The following MLLT3 variants were observed in gnomAD, a reference collection of about 807,000 sequenced individuals.
MLLT3 encodes the protein MLLT3 super elongation complex subunit.
A neutral mutation model predicts 53.2 loss-of-function variants in MLLT3; 4 were observed. The observed-to-expected ratio is 0.08, with a 90% CI of 0.04 to 0.17. The LOEUF (loss-of-function observed/expected upper bound fraction) is 0.17. MLLT3 is among the 10% of genes least tolerant of loss of function. The pLI, the probability that MLLT3 is intolerant of heterozygous loss-of-function variation, is 1.00. For synonymous variants in MLLT3, 283 were observed against 230.6 expected (o/e 1.23, Z -2.06); for missense variants, 569 against 684.0 (o/e 0.83, Z 1.87).
intron 2 of MLLT3, among the ~76,000 whole-genome samples, chr9:20,589,429 T>G (rs1820066222): frequency 2.0e-5 from 2 of 102,278 alleles, no homozygotes; most frequent in South Asian, 7.0e-4. Context: ...CTCTGGGGAC[T>G]GTTGTGGGGT....
At chr9:20,480,277 T>G (rs1019607991) in intron 2 of MLLT3, among the ~76,000 whole-genome samples, 3 of 152,092 alleles carry the variant, frequency 2.0e-5, no homozygotes, top group Non-Finnish European at 4.4e-5. Context: ...TTCCTGAGCC[T>G]TTCTATTTCA....
At chr9:20,564,743 A>G (rs1819304757) in intron 2 of MLLT3, among the ~76,000 whole-genome samples, 1 of 152,184 alleles carries the variant, frequency 6.6e-6, no homozygotes, top group East Asian at 1.9e-4. Flanking sequence ...ATATTTATCC[A>G]CTGGAAGTGG....
At chr9:20,410,620 A>G (rs1056185246) in intron 5 of MLLT3, 4 of 152,070 alleles carry the variant, frequency 2.6e-5, no homozygotes, top group Admixed American at 6.5e-5. Context: ...CATACAAACC[A>G]TGGATGTCCA....
intron 2 of MLLT3, among the ~76,000 whole-genome samples, chr9:20,465,180 C>A (rs1824204782): frequency 6.6e-6 from 1 of 151,928 alleles, no homozygotes; most frequent in African/African-American, 2.4e-5. Context: ...GCTATCTACA[C>A]AAGGGAGGGA....
intron 2 of MLLT3, among the ~76,000 whole-genome samples, chr9:20,609,384 A>G (rs1820645167): frequency 6.6e-6 from 1 of 152,084 alleles, no homozygotes. Flanking sequence ...AATTTCATAT[A>G]CTTTCTTCTA....
At chr9:20,435,622 C>T (rs1460370414) in intron 4 of MLLT3, among the ~76,000 whole-genome samples, 14 of 152,130 alleles carry the variant, frequency 9.2e-5, no homozygotes, top group Non-Finnish European at 2.9e-5. Flanking sequence ...TTTATTTATA[C>T]ACTCCGAGCT....
chr9:20,572,741 C>G (rs963132837), intron 2 of MLLT3, among the ~76,000 whole-genome samples: 2 of 152,090 alleles, frequency 1.3e-5, no homozygotes, highest in African/African-American at 4.8e-5. Context: ...TTGCAGTGAG[C>G]CGAGATTGCA....
intron 2 of MLLT3, among the ~76,000 whole-genome samples, chr9:20,584,300 T>C (rs1419381832): frequency 6.6e-6 from 1 of 152,156 alleles, no homozygotes; most frequent in Non-Finnish European, 1.5e-5. Flanking sequence ...ATTCAACAAG[T>C]CTCTAGGAAG....
intron 2 of MLLT3, among the ~76,000 whole-genome samples, chr9:20,569,629 C>T (rs1461729405): frequency 1.3e-5 from 2 of 152,230 alleles, no homozygotes; most frequent in East Asian, 3.9e-4. Context: ...AATAAAACTT[C>T]AGCAAACAAG....
intron 2 of MLLT3, among the ~76,000 whole-genome samples, chr9:20,565,922 TTATATATATATATA>T (rs775070739): frequency 2.0e-5 from 2 of 97,658 alleles, no homozygotes; most frequent in African/African-American, 4.4e-5. Context: ...ATATATATAT[TTATATATATATATA>T]TTTATATATA....
At chr9:20,523,211 C>G (rs1460860782) in intron 2 of MLLT3, among the ~76,000 whole-genome samples, 1 of 152,088 alleles carries the variant, frequency 6.6e-6, no homozygotes, top group Admixed American at 6.5e-5. Flanking sequence ...TCCAGAATGC[C>G]GATAACACTT....
In MLLT3 at chr9:20,344,567, T is replaced by C. The variant is rs1587133186; in HGVS notation, c.*1876A>G. ...CAACAAATGCTTCAAGTACGGTTCA[T>C]GCCAATCGTCATTAAGAATCATAAC... On this transcript the variant is annotated 3_prime_UTR_variant, in exon 11 of 11. Transcript: ENST00000380338. 1 of 213,824 alleles carries C rather than the reference T, an allele frequency of 4.7e-6. No individual in the cohort carries two copies. The highest frequency in any genetic ancestry group is 7.0e-5 in the East Asian group (1 of 14,358). 13.2% of individuals were successfully genotyped at this position (213,824 alleles called of 1,614,324 possible).
intron 5 of MLLT3, among the ~76,000 whole-genome samples, chr9:20,403,866 T>C (rs963674114): frequency 9.8e-5 from 15 of 152,304 alleles, no homozygotes; most frequent in African/African-American, 3.6e-4. Flanking sequence ...TTGCCCAGGC[T>C]GGAGTACAGT....
In MLLT3 at chr9:20,474,813, C is replaced by CA. The variant is rs112134980; in HGVS notation, c.194-18028dup. On this transcript the variant is annotated intron_variant, in intron 2 of 10. Coordinates refer to ENST00000380338, the MANE Select transcript of MLLT3 (RefSeq NM_004529.4). ...CACTTGAAAGAAACACACTCTTTTGCAAAAAATATGTTTTAATATATCTAT... is the reference window on the plus strand; with the variant it reads ...CACTTGAAAGAAACACACTCTTTTGCAAAAAAATATGTTTTAATATATCTAT... Among the ~76,000 whole-genome samples the CA allele has an allele frequency of 1.8e-3, 278 of 152,048 alleles. 2 individuals are homozygous for CA. Among genetic ancestry groups the CA allele is most frequent in the South Asian group, 0.017 (83 of 4,830 alleles).
chr9:20,551,190 G>C (rs539157063), intron 2 of MLLT3, among the ~76,000 whole-genome samples: 49 of 152,270 alleles, frequency 3.2e-4, no homozygotes, highest in African/African-American at 1.1e-3. Context: ...AAAGTAAAAG[G>C]AACAATCCCA....
rs1820020743 is a variant in MLLT3 at position 20,587,985 on chromosome 9, T to C, written c.193+32669A>G. Among the ~76,000 whole-genome samples the C allele has an allele frequency of 4.0e-5, 6 of 150,214 alleles. No individual in the cohort carries two copies. In the South Asian group the frequency reaches 1.3e-3, roughly 32 times the overall value. ...TTTTTATGGTTTTAGGTCTAACATT[T>C]AAGTCTTTAATCCATCTTGAATTGA... On this transcript the variant is annotated intron_variant, in intron 2 of 10. Coordinates refer to ENST00000380338, the MANE Select transcript of MLLT3 (RefSeq NM_004529.4).
chr9:20,585,701 T>G (rs775386048), intron 2 of MLLT3, among the ~76,000 whole-genome samples: 21 of 152,212 alleles, frequency 1.4e-4, no homozygotes, highest in Admixed American at 5.9e-4. Flanking sequence ...CATCTGTACA[T>G]TTTCTTTGGC....
chr9:20,443,838 C>A (rs1333038331), intron 4 of MLLT3, among the ~76,000 whole-genome samples: 1 of 152,176 alleles, frequency 6.6e-6, no homozygotes, highest in East Asian at 1.9e-4. Flanking sequence ...ATATCCGTTT[C>A]ACAGCTAATA....
At chr9:20,598,417 C>T (rs1374263225) in intron 2 of MLLT3, among the ~76,000 whole-genome samples, 1 of 152,214 alleles carries the variant, frequency 6.6e-6, no homozygotes, top group East Asian at 1.9e-4. Flanking sequence ...ATATGTCTAA[C>T]TAGATGTGTA....
Sources: allele counts gnomAD v4.1 joint callset (sites outside exome capture counted in the v4.1 genomes callset), GRCh38; gene constraint gnomAD v4.1.1; transcripts MANE v1.5; gene names NCBI Gene and HGNC (gene_info 2026-07-23, HGNC 2026-07-21).